Variants in RAB2A observed in about 807,000 individuals in gnomAD.
RAB2A encodes ras-related protein Rab-2A.
Under a neutral mutation model 32.5 loss-of-function variants are expected in RAB2A, and 7 were observed. The ratio of observed to expected loss-of-function variants is 0.22; its 90% CI spans 0.12 to 0.40. RAB2A has a LOEUF of 0.40. Among genes scored for constraint, RAB2A ranks in the 10% least tolerant of loss-of-function variants. The pLI is 1.00. For missense variants in RAB2A, 108 were observed against 260.7 expected, an observed-to-expected ratio of 0.41 and a Z score of 4.03; for synonymous variants, 79 against 85.2, an observed-to-expected ratio of 0.93 and a Z score of 0.40.
At chr8:60,547,270 A>G (rs955027051) in intron 1 of RAB2A, among the ~76,000 whole-genome samples, 8 of 152,200 alleles carry the variant, frequency 5.3e-5, no homozygotes, top group Admixed American at 4.6e-4. Flanking sequence ...GTACAGAACA[A>G]AAGGAAAAGT....
Position 60,596,898 on chromosome 8 carries a change from G to T in RAB2A, c.474+4929G>T, listed in dbSNP as rs191659087. ...ATCACACCATTGCACTCCAGCCTCG[G>T]CGACAGAGTGAGACTCTGTCTCAAA... On this transcript the variant is annotated intron_variant, in intron 6 of 7. Coordinates refer to ENST00000262646, the MANE Select transcript of RAB2A (RefSeq NM_002865.3). 1.6e-3 allele frequency among the ~76,000 whole-genome samples: 241 copies of T among 152,238 alleles called. 2 individuals are homozygous for T. The Middle Eastern group carries it at 0.038, about 24-fold the overall frequency.
intron 6 of RAB2A, among the ~76,000 whole-genome samples, chr8:60,592,946 G>C (rs2130854719): frequency 6.6e-6 from 1 of 152,274 alleles, no homozygotes; most frequent in South Asian, 2.1e-4. Context: ...AATGAGTTAA[G>C]AATCACTGCC....
At chr8:60,619,460 A>G (rs747102077) in intron 7 of RAB2A, among the ~76,000 whole-genome samples, 1 of 152,260 alleles carries the variant, frequency 6.6e-6, no homozygotes, top group South Asian at 2.1e-4. Context: ...GCCATTATGT[A>G]TGTCTCTCTC....
chr8:60,526,738 G>T (rs1429654934), intron 1 of RAB2A, among the ~76,000 whole-genome samples: 2 of 152,142 alleles, frequency 1.3e-5, no homozygotes, highest in Non-Finnish European at 2.9e-5. Flanking sequence ...GGAGGCTGAG[G>T]CGGGTGGATT....
chr8:60,556,360 G>T (rs1232192875), intron 1 of RAB2A, among the ~76,000 whole-genome samples: 2 of 152,004 alleles, frequency 1.3e-5, no homozygotes, highest in Non-Finnish European at 2.9e-5. Flanking sequence ...GAGGATTTTT[G>T]AATGTTACCA....
intron 6 of RAB2A, among the ~76,000 whole-genome samples, chr8:60,597,346 G>C (rs758349045): frequency 2.0e-5 from 3 of 152,094 alleles, no homozygotes; most frequent in Non-Finnish European, 2.9e-5. Flanking sequence ...CACAGAAATA[G>C]AAAACCAAAC....
chr8:60,548,587 G>A (rs1199158530), intron 1 of RAB2A, among the ~76,000 whole-genome samples: 6 of 140,326 alleles, frequency 4.3e-5, no homozygotes, highest in Admixed American at 1.4e-4. Context: ...CAGCAGGGGC[G>A]GCCAGGCAGA....
chr8:60,583,984 T>G, intron 3 of RAB2A: 1 of 385,532 alleles, frequency 2.6e-6, no homozygotes, highest in South Asian at 3.3e-5. Context: ...GCTGGGGAGG[T>G]TGCAGGAGCG....
rs1026221826 is a variant in RAB2A, at chr8:60,607,917, A to G, written c.475-10663A>G. Among the ~76,000 whole-genome samples the G allele has an allele frequency of 3.9e-5, 6 of 152,238 alleles. No homozygotes were observed. The East Asian group carries it at 5.8e-4, about 15-fold the overall frequency. On this transcript the variant is annotated intron_variant, in intron 6 of 7. Coordinates refer to ENST00000262646, the MANE Select transcript of RAB2A (RefSeq NM_002865.3). ...GCTCCCAGCATGTAATTAAGTTTCA[A>G]CCATCTTATAAAATCCTTTCACTCC... is the stretch of plus-strand genomic sequence containing the variant.
intron 5 of RAB2A, among the ~76,000 whole-genome samples, chr8:60,589,956 T>C (rs1000196445): frequency 2.6e-5 from 4 of 151,892 alleles, no homozygotes; most frequent in African/African-American, 9.7e-5. Flanking sequence ...TATTTTATAT[T>C]GTTTCTTTTT....
chr8:60,567,104 C>G (rs935905385), intron 2 of RAB2A, among the ~76,000 whole-genome samples: 3 of 150,890 alleles, frequency 2.0e-5, no homozygotes, highest in African/African-American at 7.3e-5. Context: ...ATGTTTTGTT[C>G]ATCTTTCTTT....
intron 1 of RAB2A, among the ~76,000 whole-genome samples, chr8:60,517,595 T>C (rs1017419937): frequency 6.6e-6 from 1 of 151,940 alleles, no homozygotes; most frequent in Non-Finnish European, 1.5e-5. Context: ...CCAGGGCCCC[T>C]TGCGTTAGGT....
At chr8:60,525,286 T>A (rs1807361536) in intron 1 of RAB2A, among the ~76,000 whole-genome samples, 1 of 152,156 alleles carries the variant, frequency 6.6e-6, no homozygotes. Flanking sequence ...TATAAGTGTT[T>A]GACAGTTCCT....
chr8:60,547,310 A>G (rs1477640515), intron 1 of RAB2A, among the ~76,000 whole-genome samples: 4 of 152,214 alleles, frequency 2.6e-5, no homozygotes, highest in East Asian at 3.8e-4. Context: ...CTACACAGAC[A>G]TGGCAACCAT....
intron 2 of RAB2A, among the ~76,000 whole-genome samples, chr8:60,570,722 T>C (rs574012053): frequency 1.3e-5 from 2 of 152,154 alleles, no homozygotes; most frequent in Non-Finnish European, 2.9e-5. Flanking sequence ...AACATAAACA[T>C]CATCTTAGTT....
At chr8:60,519,075 G>A (rs1586056322) in intron 1 of RAB2A, among the ~76,000 whole-genome samples, 1 of 152,110 alleles carries the variant, frequency 6.6e-6, no homozygotes, top group Non-Finnish European at 1.5e-5. Flanking sequence ...CAGTCCCCAC[G>A]CAATTCAAAG....
intron 5 of RAB2A, among the ~76,000 whole-genome samples, chr8:60,589,611 C>G (rs1803908413): frequency 6.6e-6 from 1 of 151,414 alleles, no homozygotes; most frequent in Non-Finnish European, 1.5e-5. Flanking sequence ...TAATGCAAAC[C>G]CTAAACAAAA....
At chr8:60,575,187 C>T (rs1248760029) in intron 3 of RAB2A, among the ~76,000 whole-genome samples, 3 of 146,708 alleles carry the variant, frequency 2.0e-5, no homozygotes, top group African/African-American at 2.5e-5. Flanking sequence ...CAGCCTCAAA[C>T]GCCTGGCCTC....
At chr8:60,608,876 T>G (rs1804288614) in intron 6 of RAB2A, among the ~76,000 whole-genome samples, 1 of 152,178 alleles carries the variant, frequency 6.6e-6, no homozygotes, top group African/African-American at 2.4e-5. Context: ...TGACATTGAT[T>G]TATTCAGTTA....
Sources: allele counts gnomAD v4.1 joint callset (sites outside exome capture counted in the v4.1 genomes callset), GRCh38; gene constraint gnomAD v4.1.1; transcripts MANE v1.5; gene names NCBI Gene and HGNC (gene_info 2026-07-23, HGNC 2026-07-21).